Variants in SLC5A3 observed in about 807,000 individuals in gnomAD.
SLC5A3 encodes the protein solute carrier family 5 member 3.
Under a neutral mutation model 43.2 loss-of-function variants are expected in SLC5A3, and 10 were observed. That is an observed-to-expected ratio of 0.23 (90% CI 0.14 to 0.39). The LOEUF (loss-of-function observed/expected upper bound fraction) is 0.39, where lower values mean the gene tolerates loss of function less well. SLC5A3 is among the 10% of genes least tolerant of loss of function. SLC5A3 has a pLI of 1.00. For synonymous variants in SLC5A3, 349 were observed against 322.0 expected (o/e 1.08, Z -0.90); for missense variants, 608 against 893.4 (o/e 0.68, Z 4.07).
At chr21:34,082,164 A>G (rs1477280080) in intron 1 of SLC5A3, among the ~76,000 whole-genome samples, 1 of 152,080 alleles carries the variant, frequency 6.6e-6, no homozygotes, top group Non-Finnish European at 1.5e-5. Context: ...AGATATTCAG[A>G]TAATTAGCTG....
At chr21:34,088,554 C>T (rs1047536040) in intron 1 of SLC5A3, among the ~76,000 whole-genome samples, 2 of 152,352 alleles carry the variant, frequency 1.3e-5, no homozygotes, top group Admixed American at 6.5e-5. Flanking sequence ...TCAAGCACAA[C>T]TTTTTAAACA....
chr21:34,088,020 T>A (rs1189601756), intron 1 of SLC5A3, among the ~76,000 whole-genome samples: 1 of 152,150 alleles, frequency 6.6e-6, no homozygotes, highest in East Asian at 1.9e-4. Context: ...TAGAACACAT[T>A]TTTTGGGCAA....
chr21:34,097,226 C>T lies in SLC5A3; in HGVS notation c.2028C>T (p.Asp676=), dbSNP rs1416899274. 6.2e-7 allele frequency: 1 copy of T among 1,613,984 alleles called. No individual in the cohort carries two copies. The highest frequency in any genetic ancestry group is 8.5e-7 in the Non-Finnish European group (1 of 1,179,916). The change falls in exon 2 of 2, where the codon GAC becomes GAT. Residue 676 remains aspartate (D), a synonymous_variant. Transcript: ENST00000381151. ...GCCTCAGCAAGAGGAGTCTCAGAGA[C>T]CTGATGGAAGAGGAGGCTGTTTGTT... ...SKSLSKRSLR[D]LMEEEAVCLQ... is the part of the protein sequence containing the mutation.
In SLC5A3 at chr21:34,095,164, T is replaced by C. The variant is rs765762880; in HGVS notation, c.-35T>C. ...AAATAAATAAAAAGTTGGACACTTC[T>C]GTCATTGGAGCGCTATTATTCACAA... On this transcript the variant is annotated 5_prime_UTR_variant, in exon 2 of 2. Coordinates refer to ENST00000381151, the MANE Select transcript of SLC5A3 (RefSeq NM_006933.7). The C allele has an allele frequency of 5.0e-6, 7 of 1,405,530 alleles. No individual in the cohort carries two copies. The highest frequency in any genetic ancestry group is 6.4e-6 in the Non-Finnish European group (7 of 1,086,666). 87.1% of individuals were successfully genotyped at this position (1,405,530 alleles called of 1,614,324 possible). A position where few individuals can be genotyped will look rare whatever the true frequency, so the allele number is the denominator to read the frequency against.
chr21:34,077,325 C>A (rs1283135037), intron 1 of SLC5A3, among the ~76,000 whole-genome samples: 1 of 152,172 alleles, frequency 6.6e-6, no homozygotes, highest in Non-Finnish European at 1.5e-5. Flanking sequence ...AAGAAGAAAT[C>A]TGAGGAAAGA....
chr21:34,081,787 T>C (rs760953551), intron 1 of SLC5A3, among the ~76,000 whole-genome samples: 35 of 152,220 alleles, frequency 2.3e-4, no homozygotes, highest in Non-Finnish European at 5.0e-4. Context: ...GTGAACTTCA[T>C]TGCCTAGTTT....
chr21:34,101,649 T>C lies in SLC5A3; in HGVS notation c.*4294T>C, dbSNP rs1178989703. The stretch of plus-strand genomic sequence containing the variant: ...TTCAAATTTTGATTTTTTTGTCAGC[T>C]TAGTTCACTTTAAGGCATATTGGCA... On this transcript the variant is annotated 3_prime_UTR_variant, in exon 2 of 2. Transcript: ENST00000381151. The C allele has an allele frequency of 5.0e-6, 5 of 1,000,104 alleles. No homozygotes were observed. Among genetic ancestry groups the C allele is most frequent in the Non-Finnish European group, 6.0e-6 (5 of 829,968 alleles). 62.0% of individuals were successfully genotyped at this position (1,000,104 alleles called of 1,614,324 possible).
intron 1 of SLC5A3, among the ~76,000 whole-genome samples, chr21:34,092,764 T>TC (rs912916330): frequency 5.3e-4 from 81 of 151,868 alleles, no homozygotes; most frequent in African/African-American, 1.9e-3. Context: ...CCACCCTATT[T>TC]CCCCCCCAAC....
chr21:34,079,567 C>T (rs769887033), intron 1 of SLC5A3, among the ~76,000 whole-genome samples: 2 of 144,204 alleles, frequency 1.4e-5, no homozygotes, highest in Non-Finnish European at 3.0e-5. Context: ...TCCCAAGTAG[C>T]TGGGATTACA....
At chr21:34,080,929 G>A (rs1989445045) in intron 1 of SLC5A3, among the ~76,000 whole-genome samples, 1 of 152,210 alleles carries the variant, frequency 6.6e-6, no homozygotes, top group Non-Finnish European at 1.5e-5. Context: ...CAGAAGTTGT[G>A]TTGATTTCCA....
In SLC5A3 at chr21:34,102,635, T is replaced by C. The variant is rs1979298373; in HGVS notation, c.*5280T>C. On this transcript the variant is annotated 3_prime_UTR_variant, in exon 2 of 2. Coordinates refer to ENST00000381151, the MANE Select transcript of SLC5A3 (RefSeq NM_006933.7). ...TACTTTATGTAATGACTCTTAAATT[T>C]GGTTACCTGGGTTCACAGCTTGCTT... 2.0e-6 allele frequency: 2 copies of C among 1,000,086 alleles called. No individual in the cohort carries two copies. The highest frequency in any genetic ancestry group is 2.4e-6 in the Non-Finnish European group (2 of 829,918). The allele number at this position is 1,000,086 out of a possible 1,614,324, so 62.0% of individuals were successfully genotyped here.
At position 34,096,772 on chromosome 21, in the gene SLC5A3, T is replaced by G. The variant is rs779810969; in HGVS notation, c.1574T>G (p.Ile525Ser). The G allele has an allele frequency of 1.9e-6, 3 of 1,614,046 alleles. No individual in the cohort carries two copies. The change falls in exon 2 of 2, where the codon ATT becomes AGT. Residue 525 changes from isoleucine (I) to serine (S), a missense_variant. By Grantham distance (142) the Ile-to-Ser change is moderately radical. This residue lies in a region of SLC5A3 where 398 missense variants were observed against 668.6 expected (regional missense o/e 0.60). Coordinates refer to ENST00000381151, the MANE Select transcript of SLC5A3 (RefSeq NM_006933.7). This position sits in a 1 kb window ranked among gnomAD's most constrained non-coding sequence, Gnocchi z 5.9. Reference sequence around the variant, plus strand: ...GGATTGTTTTGGGTCACGGGACTCATTACTGTAATTGTGAGCCTTCTCACA... The same window carrying G: ...GGATTGTTTTGGGTCACGGGACTCAGTACTGTAATTGTGAGCCTTCTCACA... ...ATGLFWVTGL[I>S]TVIVSLLTPP...
rs1486661021 is a variant in SLC5A3, at chr21:34,095,273, T to A, written c.75T>A (p.Phe25Leu). Reference protein sequence around the residue: ...LYFILVMCIGFFAMWKSNRST... With the variant: ...LYFILVMCIGLFAMWKSNRST... ...TTATCCTGGTCATGTGCATTGGTTT[T>A]TTTGCCATGTGGAAATCTAATAGAA... Residue 25 changes from phenylalanine (F) to leucine (L), a missense_variant, in exon 2 of 2, where the codon TTT becomes TTA. Coordinates refer to ENST00000381151, the MANE Select transcript of SLC5A3 (RefSeq NM_006933.7). The A allele has an allele frequency of 2.4e-5, 38 of 1,614,080 alleles. No homozygotes were observed. Among genetic ancestry groups the A allele is most frequent in the Non-Finnish European group, 3.0e-5 (35 of 1,180,024 alleles).
intron 1 of SLC5A3, among the ~76,000 whole-genome samples, chr21:34,088,054 A>T (rs1978486960): frequency 6.6e-6 from 1 of 152,240 alleles, no homozygotes; most frequent in Non-Finnish European, 1.5e-5. Flanking sequence ...ATACCCCGGA[A>T]CAACAGGCAA....
rs748698895 is a variant in SLC5A3 at position 34,097,656 on chromosome 21, T to C, written c.*301T>C. 83 of 1,080,194 alleles carry C rather than the reference T, an allele frequency of 7.7e-5. No homozygotes were observed. Among genetic ancestry groups the C allele is most frequent in the Non-Finnish European group, 9.2e-5 (81 of 881,970 alleles). The allele number at this position is 1,080,194 out of a possible 1,614,324, so 66.9% of individuals were successfully genotyped here. On this transcript the variant is annotated 3_prime_UTR_variant, in exon 2 of 2. Coordinates refer to ENST00000381151, the MANE Select transcript of SLC5A3 (RefSeq NM_006933.7). The stretch of plus-strand genomic sequence containing the variant: ...AGAGCACTTAGAGCAGAATATATGT[T>C]AAGTTACCATGAATTAAGGTATACT...
In SLC5A3 at chr21:34,078,299, A is replaced by G. The variant is rs533782315; in HGVS notation, c.-337+4554A>G. Among the ~76,000 whole-genome samples the G allele has an allele frequency of 2.0e-5, 3 of 152,258 alleles. No individual in the cohort carries two copies. In the South Asian group the frequency reaches 6.2e-4, roughly 32 times the overall value. ...GAACAATGTTATACTTTCATTTGGT[A>G]TTAAATTTTCTTGGGTTACAGCTTA... On this transcript the variant is annotated intron_variant, in intron 1 of 1. Coordinates refer to ENST00000381151, the MANE Select transcript of SLC5A3 (RefSeq NM_006933.7).
intron 1 of SLC5A3, among the ~76,000 whole-genome samples, chr21:34,089,140 G>A (rs1978552633): frequency 6.6e-6 from 1 of 151,988 alleles, no homozygotes; most frequent in Non-Finnish European, 1.5e-5. Flanking sequence ...CGATCCTCTT[G>A]CCACAGCCTC....
At chr21:34,077,559 A>G (rs754870464) in intron 1 of SLC5A3, among the ~76,000 whole-genome samples, 5 of 152,244 alleles carry the variant, frequency 3.3e-5, no homozygotes, top group Non-Finnish European at 5.9e-5. Context: ...TGCATGTACA[A>G]TAAGATAGCA....
chr21:34,084,101 T>G (rs1325585134), intron 1 of SLC5A3, among the ~76,000 whole-genome samples: 1 of 151,308 alleles, frequency 6.6e-6, no homozygotes, highest in Non-Finnish European at 1.5e-5. Context: ...ACTGTTAAAG[T>G]TACTCTTTTT....
Sources: gnomAD v4.1 joint callset for allele counts (sites outside exome capture counted in the v4.1 genomes callset) on GRCh38, gnomAD v4.1.1 for gene constraint, gnomAD v4.1.1 regional missense constraint, Gnocchi (gnomAD v3.1) non-coding constraint, MANE v1.5 for transcripts, NCBI Gene and HGNC (gene_info 2026-07-23, HGNC 2026-07-21) for gene names.